Variants in CASZ1 observed in about 807,000 individuals in gnomAD.
CASZ1 encodes castor zinc finger 1.
A neutral mutation model predicts 135.2 loss-of-function variants in CASZ1; 28 were observed. The observed-to-expected ratio is 0.21, with a 90% confidence interval of 0.15 to 0.28. CASZ1 has a LOEUF of 0.28. Among genes scored for constraint, CASZ1 ranks in the 10% least tolerant of loss-of-function variants. The probability of loss-of-function intolerance (pLI) is 1.00; values close to 1 mark genes in which losing one functional copy is unlikely to be tolerated. For missense variants in CASZ1, 2,161 were observed against 2,453.3 expected, an observed-to-expected ratio of 0.88 and a Z score of 2.52; for synonymous variants, 1,068 against 1,073.4, an observed-to-expected ratio of 0.99 and a Z score of 0.10.
At position 10,699,564 on chromosome 1, in the gene CASZ1, G is replaced by A. The variant is rs984998718; in HGVS notation, c.-23-5652C>T. ...CTGGCAGCCCAGCACCCAGGGAGCC[G>A]GGAGCAGGTTTAATTTGCCAGGCAG... is the stretch of plus-strand genomic sequence containing the variant. On this transcript the variant is annotated intron_variant, in intron 3 of 20. Transcript: ENST00000377022. This position sits in a 1 kb window ranked among gnomAD's most constrained non-coding sequence, Gnocchi z 4.6. Among the ~76,000 whole-genome samples, 2 of 152,220 alleles carry A rather than the reference G, an allele frequency of 1.3e-5. No homozygotes were observed. The highest frequency in any genetic ancestry group is 1.3e-4 in the Admixed American group (2 of 15,288).
chr1:10,687,097 C>G (rs1013476796), intron 4 of CASZ1, among the ~76,000 whole-genome samples: 1 of 152,206 alleles, frequency 6.6e-6, no homozygotes, highest in African/African-American at 2.4e-5. Context: ...TCTGGGACGC[C>G]TCCTGCTCTC....
At position 10,660,442 on chromosome 1, in the gene CASZ1, C is replaced by G. The variant is rs749197839; in HGVS notation, c.600G>C (p.Leu200=). The change falls in exon 6 of 21, where the codon CTG becomes CTC. Residue 200 remains leucine (L), a synonymous_variant. Transcript: ENST00000377022. ...GCTTCTCAAAGCTGATCTTCCTGGC[C>G]AGCTCGTCCCGCGTGTTCTGGTCAT... ...GYDDQNTRDE[L]ARKISFEKLH... 3 of 1,614,072 alleles carry G rather than the reference C, an allele frequency of 1.9e-6. No individual in the cohort carries two copies. Among genetic ancestry groups the G allele is most frequent in the Non-Finnish European group, 1.7e-6 (2 of 1,180,028 alleles).
In CASZ1 at chr1:10,696,896, T is replaced by C. The variant is rs549119667; in HGVS notation, c.-23-2984A>G. 8.3e-4 allele frequency among the ~76,000 whole-genome samples: 126 copies of C among 152,276 alleles called. 1 individual carries two copies. Among genetic ancestry groups the C allele is most frequent in the African/African-American group, 2.9e-3 (120 of 41,544 alleles). Reference sequence around the variant, plus strand: ...AGCTGCCCAGGCAGGACCACCTGGATTGGCCACCCAGTAACTCGGGGGGTC... The same window carrying C: ...AGCTGCCCAGGCAGGACCACCTGGACTGGCCACCCAGTAACTCGGGGGGTC... On this transcript the variant is annotated intron_variant, in intron 3 of 20. Coordinates refer to ENST00000377022, the MANE Select transcript of CASZ1 (RefSeq NM_001079843.3).
intron 2 of CASZ1, among the ~76,000 whole-genome samples, chr1:10,750,106 C>T (rs1640123361): frequency 6.6e-6 from 1 of 152,104 alleles, no homozygotes; most frequent in Non-Finnish European, 1.5e-5. Context: ...AGAGTCAGGC[C>T]AGAGCCATGG....
rs1161013198 is a variant in CASZ1, at chr1:10,639,254, G to A, written c.4968C>T (p.Ala1656=). ...CGGCGGCGCCCTCGCGCGGCCCGGG[G>A]GCGGCGGCGTCGGGCGGGCCGGGGT... ...AGDPGPPDAA[A]PGPREGAAAA... is the part of the protein sequence containing the mutation. Residue 1656 remains alanine, a synonymous_variant, in exon 21 of 21, where the codon GCC becomes GCT. Transcript: ENST00000377022. This position sits in a 1 kb window ranked among gnomAD's most constrained non-coding sequence, Gnocchi z 4.0. The A allele has an allele frequency of 1.0e-6, 1 of 961,586 alleles. No homozygotes were observed. The highest frequency in any genetic ancestry group is 1.2e-6 in the Non-Finnish European group (1 of 807,332). 59.6% of individuals were successfully genotyped at this position (961,586 alleles called of 1,614,324 possible).
intron 4 of CASZ1, among the ~76,000 whole-genome samples, chr1:10,673,075 G>A (rs183934578): frequency 0.011 from 1,688 of 152,180 alleles, 44 homozygotes; most frequent in African/African-American, 0.039. Flanking sequence ...GAAAAGCTCC[G>A]AGGGGGGCGG....
Position 10,660,408 on chromosome 1 carries a change from C to T in CASZ1, c.634G>A (p.Gly212Ser), listed in dbSNP as rs765590910. 1.2e-6 allele frequency: 2 copies of T among 1,614,172 alleles called. No individual in the cohort carries two copies. Among genetic ancestry groups the T allele is most frequent in the South Asian group, 1.1e-5 (1 of 91,086 alleles). The stretch of plus-strand genomic sequence containing the variant: ...GAGGTGGCTGCCTCCGGGGTGGAGC[C>T]CGCGTGCAGCTTCTCAAAGCTGATC... ...RKISFEKLHA[G>S]STPEAATSSM... Residue 212 changes from glycine (G) to serine (S), a missense_variant, in exon 6 of 21, where the codon GGC becomes AGC. By Grantham distance (56) the Gly-to-Ser change is moderately conservative. Transcript: ENST00000377022.
Position 10,660,519 on chromosome 1 carries a change from G to A in CASZ1, c.523C>T (p.Arg175Trp). The A allele has an allele frequency of 1.9e-6, 3 of 1,612,624 alleles. No homozygotes were observed. The highest frequency in any genetic ancestry group is 2.5e-6 in the Non-Finnish European group (3 of 1,179,782). ...RQASGEASSL[R>W]DYAASTMTEF... ...GTCATGGTGGAGGCCGCGTAGTCCC[G>A]CAGCGAGGAGGCCTCTCCTGCAGAG... Residue 175 changes from arginine (R) to tryptophan (W), a missense_variant, in exon 6 of 21, where the codon CGG (arginine) becomes TGG (tryptophan). Coordinates refer to ENST00000377022, the MANE Select transcript of CASZ1 (RefSeq NM_001079843.3).
intron 4 of CASZ1, among the ~76,000 whole-genome samples, chr1:10,690,301 G>A (rs1638722825): frequency 6.6e-6 from 1 of 152,178 alleles, no homozygotes; most frequent in African/African-American, 2.4e-5. Context: ...TCTGAAGGTG[G>A]TTGACACTCA....
chr1:10,685,427 A>T (rs532287912), intron 4 of CASZ1, among the ~76,000 whole-genome samples: 1 of 152,316 alleles, frequency 6.6e-6, no homozygotes, highest in South Asian at 2.1e-4. Flanking sequence ...TTTGATCAGA[A>T]TATTCACTCA....
chr1:10,683,908 C>T (rs1352348327), intron 4 of CASZ1, among the ~76,000 whole-genome samples: 1 of 152,192 alleles, frequency 6.6e-6, no homozygotes, highest in Non-Finnish European at 1.5e-5. Context: ...TGTTTGGGGA[C>T]GTGGGCCAGG....
chr1:10,749,614 A>G (rs1400230506), intron 2 of CASZ1, among the ~76,000 whole-genome samples: 4 of 151,946 alleles, frequency 2.6e-5, no homozygotes, highest in African/African-American at 9.7e-5. Flanking sequence ...TGTGGCCCAG[A>G]CAGCCCCGAA....
intron 4 of CASZ1, among the ~76,000 whole-genome samples, chr1:10,668,118 G>C (rs1416768340): frequency 2.6e-5 from 4 of 152,174 alleles, no homozygotes; most frequent in African/African-American, 9.7e-5. Flanking sequence ...AGGAGGCAGA[G>C]GTAGGGCTTA....
chr1:10,690,793 A>T (rs1178966306), intron 4 of CASZ1, among the ~76,000 whole-genome samples: 1 of 152,158 alleles, frequency 6.6e-6, no homozygotes, highest in East Asian at 1.9e-4. Flanking sequence ...CCTTTGTCTC[A>T]AGAAGAGAAG....
chr1:10,775,885 C>T (rs946051957), intron 1 of CASZ1, among the ~76,000 whole-genome samples: 2 of 152,170 alleles, frequency 1.3e-5, no homozygotes, highest in Non-Finnish European at 2.9e-5. Context: ...CACTCTCAAC[C>T]AGCACCCCGT....
In CASZ1 at chr1:10,739,841, G is replaced by C. The variant is rs1639878916; in HGVS notation, c.-77+20860C>G. On this transcript the variant is annotated intron_variant, in intron 2 of 20. Coordinates refer to ENST00000377022, the MANE Select transcript of CASZ1 (RefSeq NM_001079843.3). The surrounding 1 kb of genome is among the most constrained non-coding windows in gnomAD (Gnocchi z 4.8). The stretch of plus-strand genomic sequence containing the variant: ...CTGGCTCTTCCTTCCCCGCTGAAAT[G>C]AGTTGAGGCTGAGACCTGGGAAGCC... Among the ~76,000 whole-genome samples the C allele has an allele frequency of 6.6e-6, 1 of 152,164 alleles. No individual in the cohort carries two copies. The highest frequency in any genetic ancestry group is 1.5e-5 in the Non-Finnish European group (1 of 68,026).
chr1:10,694,227 G>A lies in CASZ1; in HGVS notation c.-23-315C>T. On this transcript the variant is annotated intron_variant, in intron 3 of 20. Transcript: ENST00000377022. The surrounding 1 kb of genome is among the most constrained non-coding windows in gnomAD (Gnocchi z 6.6). ...CAGGGGCGCCCCCGTCCCGCCGACCGCGCCCCGCGCCCGGGTCGCCGCCCG... is the reference window on the plus strand; with the variant it reads ...CAGGGGCGCCCCCGTCCCGCCGACCACGCCCCGCGCCCGGGTCGCCGCCCG... 3.2e-6 allele frequency: 2 copies of A among 629,002 alleles called. No homozygotes were observed. Among genetic ancestry groups the A allele is most frequent in the Non-Finnish European group, 4.0e-6 (2 of 505,692 alleles). The allele number at this position is 629,002 out of a possible 1,614,324, so 39.0% of individuals were successfully genotyped here. A position where few individuals can be genotyped will look rare whatever the true frequency, so the allele number is the denominator to read the frequency against.
Position 10,659,576 on chromosome 1 carries a change from C to T in CASZ1, c.1340+126G>A, listed in dbSNP as rs1642936549. 12 of 726,220 alleles carry T rather than the reference C, an allele frequency of 1.7e-5. 1 individual carries two copies. The South Asian group carries it at 2.1e-4, about 12-fold the overall frequency. 45.0% of individuals were successfully genotyped at this position (726,220 alleles called of 1,614,324 possible). A position where few individuals can be genotyped will look rare whatever the true frequency, so the allele number is the denominator to read the frequency against. On this transcript the variant is annotated intron_variant, in intron 6 of 20. Coordinates refer to ENST00000377022, the MANE Select transcript of CASZ1 (RefSeq NM_001079843.3). ...CTGAGTGTGCACGCGCCTGGATGCA[C>T]AGTGGATGTGTATAAGGTGTGAGCG...
At chr1:10,764,787 G>C (rs945913422) in intron 1 of CASZ1, among the ~76,000 whole-genome samples, 5 of 152,202 alleles carry the variant, frequency 3.3e-5, no homozygotes, top group Admixed American at 2.6e-4. Flanking sequence ...GTGCTCACAC[G>C]TCACAATGAA....
Sources: gnomAD v4.1 joint callset for allele counts (sites outside exome capture counted in the v4.1 genomes callset) on GRCh38, gnomAD v4.1.1 for gene constraint, Gnocchi (gnomAD v3.1) non-coding constraint, MANE v1.5 for transcripts, NCBI Gene and HGNC (gene_info 2026-07-23, HGNC 2026-07-21) for gene names.